Variants in GOPC observed in about 807,000 individuals in gnomAD.
GOPC encodes Golgi-associated PDZ and coiled-coil motif-containing protein.
GOPC carries 32 observed loss-of-function variants against 51.2 expected under a neutral mutation model. The observed-to-expected ratio is 0.63, with a 90% confidence interval of 0.47 to 0.84. The LOEUF (loss-of-function observed/expected upper bound fraction) is 0.84. GOPC is among the 40% of genes least tolerant of loss of function. GOPC has a pLI of 0.00. For synonymous variants in GOPC, 190 were observed against 205.1 expected, an observed-to-expected ratio of 0.93 and a Z score of 0.63; for missense variants, 441 against 555.5, an observed-to-expected ratio of 0.79 and a Z score of 2.07.
intron 1 of GOPC, among the ~76,000 whole-genome samples, chr6:117,585,833 G>A (rs1454478810): frequency 6.6e-6 from 1 of 152,198 alleles, no homozygotes; most frequent in Non-Finnish European, 1.5e-5. Flanking sequence ...ACACCTGTAG[G>A]CATGCAAACA....
chr6:117,584,041 G>C (rs1779996121), intron 1 of GOPC, among the ~76,000 whole-genome samples: 1 of 152,142 alleles, frequency 6.6e-6, no homozygotes, highest in Non-Finnish European at 1.5e-5. Context: ...CTCAGTACCA[G>C]ACCTTTAATC....
chr6:117,579,784 AT>A (rs912543794), intron 1 of GOPC, among the ~76,000 whole-genome samples: 1 of 152,072 alleles, frequency 6.6e-6, no homozygotes, highest in African/African-American at 2.4e-5. Context: ...TTTGTTTCCT[AT>A]TCAACTCAAC....
intron 1 of GOPC, among the ~76,000 whole-genome samples, chr6:117,581,651 T>C (rs1227072956): frequency 6.6e-6 from 1 of 152,250 alleles, no homozygotes; most frequent in Non-Finnish European, 1.5e-5. Context: ...TTGTTTTGCA[T>C]AGCTGCACTT....
chr6:117,570,323 A>G (rs1779784842), intron 6 of GOPC, among the ~76,000 whole-genome samples: 1 of 152,184 alleles, frequency 6.6e-6, no homozygotes, highest in Non-Finnish European at 1.5e-5. Flanking sequence ...ATACTAAAAA[A>G]ACAAATGATC....
At chr6:117,592,229 T>C (rs755297763) in intron 1 of GOPC, among the ~76,000 whole-genome samples, 1 of 152,122 alleles carries the variant, frequency 6.6e-6, no homozygotes, top group Non-Finnish European at 1.5e-5. Context: ...TAGCCGGGCA[T>C]GGTGGCTGGC....
At chr6:117,591,939 G>A (rs928270686) in intron 1 of GOPC, among the ~76,000 whole-genome samples, 2 of 152,176 alleles carry the variant, frequency 1.3e-5, no homozygotes, top group African/African-American at 4.8e-5. Flanking sequence ...AGGAACACCC[G>A]AGAAGAATAA....
At chr6:117,584,055 G>C (rs904288442) in intron 1 of GOPC, among the ~76,000 whole-genome samples, 1 of 152,132 alleles carries the variant, frequency 6.6e-6, no homozygotes, top group Non-Finnish European at 1.5e-5. Flanking sequence ...TTTAATCAAA[G>C]CTACTCCAAT....
rs1779772928 is a variant in GOPC, at chr6:117,569,862, TG to T, written c.913-127del. 1.9e-5 allele frequency: 20 copies of T among 1,069,338 alleles called. 1 individual carries two copies. Among genetic ancestry groups the T allele is most frequent in the Middle Eastern group, 3.1e-4 (1 of 3,182 alleles). 66.2% of individuals were successfully genotyped at this position (1,069,338 alleles called of 1,614,324 possible). On this transcript the variant is annotated intron_variant, in intron 6 of 8. Transcript: ENST00000368498. ...ACACCTATGCTGTCTCTATAAATGC[TG>T]GGTAAAATTTTATTTGCTACTTAAG...
intron 7 of GOPC, 106 bp from the exon 8 acceptor site, chr6:117,567,140 A>G (rs1779714819): frequency 1.5e-6 from 1 of 672,570 alleles, no homozygotes. Flanking sequence ...GATCTAAGAG[A>G]TAGCTGATTT....
chr6:117,578,759 A>C, intron 2 of GOPC, 141 bp downstream of exon 2: 1 of 467,228 alleles, frequency 2.1e-6, no homozygotes, highest in Admixed American at 4.2e-5. Context: ...TATCATAATG[A>C]TCATAAACTT....
chr6:117,590,595 A>C (rs1647675294), intron 1 of GOPC, among the ~76,000 whole-genome samples: 1 of 144,024 alleles, frequency 6.9e-6, no homozygotes, highest in African/African-American at 2.6e-5. Context: ...AAAAAAAAAG[A>C]TAAAAAGATT....
At chr6:117,570,749 A>G (rs1779793087) in intron 6 of GOPC, 111 bp downstream of exon 6, 1 of 426,530 alleles carries the variant, frequency 2.3e-6, no homozygotes, top group African/African-American at 2.0e-5. Flanking sequence ...GATAAATTTT[A>G]GTTATTTAAA....
rs1779575531 is a variant in GOPC at position 117,561,069 on chromosome 6, C to G, written c.*2185G>C. The G allele has an allele frequency of 4.5e-6, 1 of 223,538 alleles. No individual in the cohort carries two copies. Among genetic ancestry groups the G allele is most frequent in the Non-Finnish European group, 8.9e-6 (1 of 111,978 alleles). 13.8% of individuals were successfully genotyped at this position (223,538 alleles called of 1,614,324 possible). A position where few individuals can be genotyped will look rare whatever the true frequency, so the allele number is the denominator to read the frequency against. ...CCGGACAGGAAGCTCACAGTAGCATCTGAGCAACGGTGCTCTCCCGTAGGC... is the reference window on the plus strand; with the variant it reads ...CCGGACAGGAAGCTCACAGTAGCATGTGAGCAACGGTGCTCTCCCGTAGGC... On this transcript the variant is annotated 3_prime_UTR_variant, in exon 9 of 9. Transcript: ENST00000368498.
At chr6:117,575,593 A>G in intron 3 of GOPC, 1 of 684,164 alleles carries the variant, frequency 1.5e-6, no homozygotes, top group Admixed American at 1.9e-5. Flanking sequence ...AAAGTAGTCT[A>G]CTCTAAGCTC....
chr6:117,568,696 GAC>G (rs1779747376), intron 7 of GOPC, among the ~76,000 whole-genome samples: 1 of 152,198 alleles, frequency 6.6e-6, no homozygotes, highest in African/African-American at 2.4e-5. Context: ...CTGTCATGGA[GAC>G]ACAGATTTCA....
intron 1 of GOPC, among the ~76,000 whole-genome samples, chr6:117,598,944 T>C (rs1377283700): frequency 6.6e-6 from 1 of 152,200 alleles, no homozygotes; most frequent in African/African-American, 2.4e-5. Context: ...AGGTGACAGA[T>C]ATGCTAATTA....
intron 8 of GOPC, 123 bp from the exon 9 acceptor site, chr6:117,563,507 A>C (rs993740597): frequency 7.0e-6 from 6 of 855,530 alleles, no homozygotes; most frequent in Non-Finnish European, 1.1e-5. Context: ...GGATAACCTG[A>C]GGTTAGGGGT....
chr6:117,600,636 T>C (rs1334800503), intron 1 of GOPC, among the ~76,000 whole-genome samples: 1 of 152,104 alleles, frequency 6.6e-6, no homozygotes, highest in East Asian at 1.9e-4. Flanking sequence ...CTCCATCTCT[T>C]TTTTGAAAAA....
chr6:117,568,026 C>CAA (rs779227271), intron 7 of GOPC, among the ~76,000 whole-genome samples: 2,966 of 46,498 alleles, frequency 0.064, 70 homozygotes, highest in Non-Finnish European at 0.1. Flanking sequence ...CCCATCTCTA[C>CAA]AAAAAAAAAA....
Sources: allele counts gnomAD v4.1 joint callset (sites outside exome capture counted in the v4.1 genomes callset), GRCh38; gene constraint gnomAD v4.1.1; transcripts MANE v1.5; gene names NCBI Gene and HGNC (gene_info 2026-07-23, HGNC 2026-07-21).